Variants in PRAMEF20 observed in about 807,000 individuals in gnomAD.
PRAMEF20 encodes PRAME family member 20/21.
Under a neutral mutation model 32.4 loss-of-function variants are expected in PRAMEF20, and 27 were observed. The observed-to-expected ratio is 0.83, with a 90% confidence interval of 0.61 to 1.15. PRAMEF20 has a LOEUF of 1.15. PRAMEF20 is among the 50% of genes most tolerant of loss of function. The pLI is 0.00. For missense variants in PRAMEF20, 604 were observed against 584.5 expected (o/e 1.03, Z -0.34); for synonymous variants, 256 against 235.4 (o/e 1.09, Z -0.80).
exon 1 of PRAMEF20, chr1:13,416,561 G>A (rs1051725354): frequency 1.7e-5 from 28 of 1,614,066 alleles, no homozygotes; most frequent in Non-Finnish European, 2.2e-5. Context: ...TGGGGTCTCT[G>A]ATGAAAAGGC....
At chr1:13,412,925 C>A (rs543184972), upstream of PRAMEF20, among the ~76,000 whole-genome samples, 9 of 152,078 alleles carry the variant, frequency 5.9e-5, no homozygotes, top group South Asian at 2.1e-4. Context: ...CTCAGCCCCC[C>A]ACCCTGCAAC....
At chr1:13,420,566 A>T in intron 2 of PRAMEF20, 131 bp from the exon 4 acceptor site, 1 of 1,257,742 alleles carries the variant, frequency 8.0e-7, no homozygotes, top group African/African-American at 1.5e-5. Context: ...CTAAGTGTTG[A>T]CTATCAGACA....
chr1:13,420,799 G>C (rs1641234215), exon 3 of PRAMEF20: 4 of 1,613,804 alleles, frequency 2.5e-6, no homozygotes, highest in Non-Finnish European at 3.4e-6. Flanking sequence ...GTCAACTAAA[G>C]ACCCTGGACC....
intron 1 of PRAMEF20, among the ~76,000 whole-genome samples, chr1:13,417,910 T>TGTGTGTGTATGTG (rs1369049111): frequency 8.1e-6 from 1 of 124,218 alleles, no homozygotes; most frequent in Non-Finnish European, 1.7e-5. Context: ...CCCGGCTAAT[T>TGTGTGTGTATGTG]TGTGTGTGTG....
At chr1:13,416,911 C>T (rs1641181885) in intron 1 of PRAMEF20, among the ~76,000 whole-genome samples, 1 of 152,078 alleles carries the variant, frequency 6.6e-6, no homozygotes, top group African/African-American at 2.4e-5. Flanking sequence ...GTGGCTCACA[C>T]CTGTAATCCC....
In PRAMEF20 at chr1:13,416,353, A is replaced by T. The variant is rs1338795224; in HGVS notation, c.-2A>T. On this transcript the variant is annotated 5_prime_UTR_variant, in exon 1 of 3. The change creates a new upstream start codon in the 5' untranslated region. Coordinates refer to ENST00000602960, the Ensembl canonical transcript of PRAMEF20. ...GGAACTTTTCTTTGCAGATTCAGGAAGATGAGCATCCGGACTCCACCCAGA... is the reference window on the plus strand; with the variant it reads ...GGAACTTTTCTTTGCAGATTCAGGATGATGAGCATCCGGACTCCACCCAGA... 1 of 1,612,456 alleles carries T rather than the reference A, an allele frequency of 6.2e-7. No individual in the cohort carries two copies. The highest frequency in any genetic ancestry group is 8.5e-7 in the Non-Finnish European group (1 of 1,179,876).
At chr1:13,418,479 T>G in exon 2 of PRAMEF20, 1 of 1,613,892 alleles carries the variant, frequency 6.2e-7, no homozygotes, top group Non-Finnish European at 8.5e-7. Context: ...TGAATTGCAA[T>G]TGGACACTGC....
chr1:13,417,124 T>C (rs2100433661), intron 1 of PRAMEF20, among the ~76,000 whole-genome samples: 1 of 152,240 alleles, frequency 6.6e-6, no homozygotes, highest in Admixed American at 6.5e-5. Context: ...GCAAGGTTTA[T>C]GGTGAAGAGC....
chr1:13,412,573 G>T (rs1037952078), upstream of PRAMEF20, among the ~76,000 whole-genome samples: 1 of 151,876 alleles, frequency 6.6e-6, no homozygotes. Flanking sequence ...TTCACATGTC[G>T]TGGTTTCTTC....
chr1:13,419,671 G>A (rs1314742388), intron 2 of PRAMEF20, among the ~76,000 whole-genome samples: 3 of 151,810 alleles, frequency 2.0e-5, no homozygotes, highest in Non-Finnish European at 2.9e-5. Flanking sequence ...TGATCCGCCC[G>A]CCTCGGCCTC....
At chr1:13,417,982 G>A (rs974565059) in intron 1 of PRAMEF20, 140 bp from the exon 3 acceptor site, 14 of 1,278,258 alleles carry the variant, frequency 1.1e-5, no homozygotes, top group East Asian at 9.7e-5. Context: ...CACCATGCTA[G>A]CCAGGATGTT....
upstream of PRAMEF20, among the ~76,000 whole-genome samples, chr1:13,411,689 C>T (rs1641115876): frequency 6.6e-6 from 1 of 152,132 alleles, no homozygotes; most frequent in Non-Finnish European, 1.5e-5. Context: ...GAACCACATT[C>T]CATTTCTTAA....
At chr1:13,420,297 A>G (rs1012416320) in intron 2 of PRAMEF20, among the ~76,000 whole-genome samples, 2 of 152,188 alleles carry the variant, frequency 1.3e-5, no homozygotes, top group South Asian at 2.1e-4. Flanking sequence ...TGCAACTTCC[A>G]TCTCCTGGGT....
At chr1:13,414,499 A>C (rs1641144661), upstream of PRAMEF20, among the ~76,000 whole-genome samples, 1 of 150,506 alleles carries the variant, frequency 6.6e-6, no homozygotes, top group East Asian at 2.0e-4. Context: ...CACCCTGCCG[A>C]CCAGGCCGGA....
At chr1:13,416,673 G>A (rs1383553107) in intron 1 of PRAMEF20, 32 bp downstream of exon 2, 2 of 1,613,692 alleles carry the variant, frequency 1.2e-6, no homozygotes, top group Admixed American at 1.7e-5. Flanking sequence ...GGTGGGGAGG[G>A]CCCAGGTGTC....
intron 2 of PRAMEF20, 83 bp downstream of exon 3, chr1:13,418,783 T>G: frequency 1.2e-6 from 2 of 1,602,886 alleles, no homozygotes; most frequent in Non-Finnish European, 1.7e-6. Context: ...AGCCAGCCTA[T>G]GAGGATGTAA....
upstream of PRAMEF20, among the ~76,000 whole-genome samples, chr1:13,414,066 G>A (rs1303111819): frequency 6.6e-6 from 1 of 151,910 alleles, no homozygotes; most frequent in Non-Finnish European, 1.5e-5. Context: ...GTTTGAGAAG[G>A]ACTCTCATTC....
chr1:13,420,782 A>T, exon 3 of PRAMEF20: 1 of 1,613,894 alleles, frequency 6.2e-7, no homozygotes, highest in Non-Finnish European at 8.5e-7. Flanking sequence ...CAAGTACCCG[A>T]GCATTGGTCA....
chr1:13,417,096 C>G (rs1180947291), intron 1 of PRAMEF20, among the ~76,000 whole-genome samples: 1 of 152,088 alleles, frequency 6.6e-6, no homozygotes, highest in Non-Finnish European at 1.5e-5. Context: ...ATGGCACGGA[C>G]CCAAAGAGTG....
Sources: allele counts gnomAD v4.1 joint callset (sites outside exome capture counted in the v4.1 genomes callset), GRCh38; gene constraint gnomAD v4.1.1; transcripts MANE v1.5; gene names NCBI Gene and HGNC (gene_info 2026-07-23, HGNC 2026-07-21).